The following MICAL3 variants were observed in gnomAD, a reference collection of about 807,000 sequenced individuals.
MICAL3 encodes the protein [F-actin]-monooxygenase MICAL3.
A neutral mutation model predicts 207.4 loss-of-function variants in MICAL3; 62 were observed. The observed-to-expected ratio is 0.30, with a 90% CI of 0.24 to 0.37. MICAL3 has a LOEUF of 0.37. Among genes scored for constraint, MICAL3 ranks in the 10% least tolerant of loss-of-function variants. MICAL3 has a pLI of 1.00. For synonymous variants in MICAL3, 1,077 were observed against 1,069.3 expected, an observed-to-expected ratio of 1.01 and a Z score of -0.14; for missense variants, 2,368 against 2,635.6, an observed-to-expected ratio of 0.90 and a Z score of 2.22.
chr22:17,844,067 C>G (rs1026581324), intron 19 of MICAL3, among the ~76,000 whole-genome samples: 1 of 152,142 alleles, frequency 6.6e-6, no homozygotes, highest in Non-Finnish European at 1.5e-5. Context: ...AGGATGGTCT[C>G]AATCTCCTGA....
At chr22:17,914,170 T>G (rs1008306683) in intron 1 of MICAL3, among the ~76,000 whole-genome samples, 4 of 152,294 alleles carry the variant, frequency 2.6e-5, no homozygotes, top group Non-Finnish European at 5.9e-5. Flanking sequence ...ATGGTTTTGT[T>G]TTTTGAAGGA....
Position 17,808,288 on chromosome 22 carries a change from C to G in MICAL3, c.5650+556G>C, listed in dbSNP as rs143301122. 2.1e-3 allele frequency among the ~76,000 whole-genome samples: 325 copies of G among 152,388 alleles called. 1 individual carries two copies. The highest frequency in any genetic ancestry group is 7.6e-3 in the African/African-American group (317 of 41,596). On this transcript the variant is annotated intron_variant, in intron 29 of 31. Transcript: ENST00000441493. ...ACGTCGGCTGGTCACATACCCTGAG[C>G]CTCTCCAGCCCTGCCCTAAGTGACC...
Position 17,865,932 on chromosome 22 carries a change from A to G in MICAL3, c.2509T>C (p.Ser837Pro), listed in dbSNP as rs202162949. Residue 837 changes from serine (S) to proline (P), a missense_variant, in exon 18 of 32, where the codon TCT (serine) becomes CCT (proline). Around this residue, in one of 4 missense-constraint regions of MICAL3, gnomAD observed 1,770 missense variants for 1,863.2 expected, o/e 0.95. Transcript: ENST00000441493. ...AGGAGAGTCACCATTACCTTTCCAGACAGGGGAGCCACTGCCGGTCTCTTC... is the reference window on the plus strand; with the variant it reads ...AGGAGAGTCACCATTACCTTTCCAGGCAGGGGAGCCACTGCCGGTCTCTTC... Reference protein sequence around the residue: ...QRKRPAVAPLSGKEAKGPLQD... With the variant: ...QRKRPAVAPLPGKEAKGPLQD... 150 of 1,612,914 alleles carry G rather than the reference A, an allele frequency of 9.3e-5. No individual in the cohort carries two copies. Among genetic ancestry groups the G allele is most frequent in the Non-Finnish European group, 2.0e-5 (24 of 1,178,980 alleles).
At chr22:17,826,684 G>A (rs1294869633) in intron 22 of MICAL3, among the ~76,000 whole-genome samples, 2 of 150,852 alleles carry the variant, frequency 1.3e-5, no homozygotes, top group Non-Finnish European at 1.5e-5. Context: ...GTTAGCCTGT[G>A]TGATGGAGAA....
chr22:17,928,492 C>T (rs1015009347), intron 1 of MICAL3, among the ~76,000 whole-genome samples: 1 of 151,950 alleles, frequency 6.6e-6, no homozygotes, highest in Non-Finnish European at 1.5e-5. Flanking sequence ...CATGCGTCTT[C>T]ATGTAGTGTA....
chr22:17,791,340 G>C (rs777474801), intron 29 of MICAL3, 39 bp from the exon 30 acceptor site: 6 of 1,538,566 alleles, frequency 3.9e-6, no homozygotes, highest in Non-Finnish European at 4.5e-6. Context: ...AGGGAGTGCC[G>C]CGCCCACCCT....
At chr22:17,928,074 C>T (rs1323043331) in intron 1 of MICAL3, among the ~76,000 whole-genome samples, 1 of 152,172 alleles carries the variant, frequency 6.6e-6, no homozygotes, top group South Asian at 2.1e-4. Flanking sequence ...TTACTATATG[C>T]AGCATAGCGT....
At chr22:17,976,731 T>C (rs908481220) in intron 1 of MICAL3, among the ~76,000 whole-genome samples, 1 of 149,956 alleles carries the variant, frequency 6.7e-6, no homozygotes, top group South Asian at 2.1e-4. Context: ...TTGCAAAAGC[T>C]ATAACAGTCA....
chr22:17,857,830 G>A (rs540540653), intron 19 of MICAL3, among the ~76,000 whole-genome samples: 5 of 152,196 alleles, frequency 3.3e-5, no homozygotes, highest in Non-Finnish European at 7.3e-5. Flanking sequence ...CCCGTTTTAG[G>A]CACATTCTGC....
intron 1 of MICAL3, among the ~76,000 whole-genome samples, chr22:18,018,957 C>T (rs967018745): frequency 5.3e-5 from 8 of 152,062 alleles, no homozygotes; most frequent in South Asian, 2.1e-4. Context: ...TTTGGGAGGC[C>T]GAGGAGGGTG....
At chr22:17,870,064 AG>A (rs1274259309) in intron 17 of MICAL3, among the ~76,000 whole-genome samples, 2 of 152,144 alleles carry the variant, frequency 1.3e-5, no homozygotes, top group Non-Finnish European at 2.9e-5. Context: ...CTGACAGATG[AG>A]GGGAAGGACT....
intron 16 of MICAL3, chr22:17,884,466 CA>C: frequency 1.3e-6 from 1 of 794,250 alleles, no homozygotes; most frequent in Non-Finnish European, 2.0e-6. Flanking sequence ...GCGACAGCCC[CA>C]TATCTGTGAA....
intron 1 of MICAL3, among the ~76,000 whole-genome samples, chr22:17,911,397 G>C (rs1292633723): frequency 6.6e-6 from 1 of 152,112 alleles, no homozygotes; most frequent in Non-Finnish European, 1.5e-5. Flanking sequence ...GCATCAGAGT[G>C]AAGCTTAGTT....
At chr22:17,831,706 C>T in intron 21 of MICAL3, 148 bp downstream of exon 21, 10 of 1,319,802 alleles carry the variant, frequency 7.6e-6, no homozygotes, top group Non-Finnish European at 9.1e-6. Context: ...CCCTCTGCCC[C>T]CCATGTCTTA....
rs1277115593 is a variant in MICAL3, at chr22:17,901,933, T to C, written c.636A>G (p.Ser212=). 6.2e-7 allele frequency: 1 copy of C among 1,613,824 alleles called. No homozygotes were observed. The highest frequency in any genetic ancestry group is 8.5e-7 in the Non-Finnish European group (1 of 1,179,842). The change falls in exon 5 of 32, where the codon TCA becomes TCG. Residue 212 remains serine, a synonymous_variant. Coordinates refer to ENST00000441493, the MANE Select transcript of MICAL3 (RefSeq NM_015241.3). ...CGATGATCACTTCAAATTCATACTC[T>C]GACACAGGATGAGTCTTGGGGTGCA... The part of the protein sequence containing the change: ...ALVHPKTHPV[S]EYEFEVIIGG...
chr22:17,798,684 T>TTC, intron 29 of MICAL3, among the ~76,000 whole-genome samples: 1 of 150,394 alleles, frequency 6.6e-6, no homozygotes, highest in African/African-American at 2.5e-5. Context: ...TTTTTTTTTT[T>TTC]TTTTTTTGAG....
chr22:17,914,323 TG>T lies in MICAL3; in HGVS notation c.-74-7438del, dbSNP rs76454982. Among the ~76,000 whole-genome samples the T allele has an allele frequency of 3.6e-4, 55 of 152,242 alleles. No individual in the cohort carries two copies. In the East Asian group the frequency reaches 0.01, roughly 28 times the overall value. On this transcript the variant is annotated intron_variant, in intron 1 of 31. Coordinates refer to ENST00000441493, the MANE Select transcript of MICAL3 (RefSeq NM_015241.3). ...CTGTGTAAGTCCTGCTAAACTGTAG[TG>T]TTAAACAAGACAGATAGAAGATACT...
chr22:17,928,060 T>C (rs1433634011), intron 1 of MICAL3, among the ~76,000 whole-genome samples: 4 of 152,186 alleles, frequency 2.6e-5, no homozygotes, highest in Non-Finnish European at 5.9e-5. Flanking sequence ...TGTCTTGCCA[T>C]ACTTTACTAT....
At chr22:17,862,541 T>C (rs1441964293) in intron 19 of MICAL3, 1 of 974,496 alleles carries the variant, frequency 1.0e-6, no homozygotes, top group Admixed American at 6.2e-5. Flanking sequence ...ATTACAGGCA[T>C]GAGCCATCGT....
Sources: gnomAD v4.1 joint callset for allele counts (sites outside exome capture counted in the v4.1 genomes callset) on GRCh38, gnomAD v4.1.1 for gene constraint, gnomAD v4.1.1 regional missense constraint, MANE v1.5 for transcripts, NCBI Gene and HGNC (gene_info 2026-07-23, HGNC 2026-07-21) for gene names.